ANK2: variants seen among roughly 807,000 people sequenced by gnomAD.
ANK2 encodes ankyrin-2.
A neutral mutation model predicts 360.5 loss-of-function variants in ANK2; 83 were observed. The observed-to-expected ratio is 0.23, with a 90% CI of 0.19 to 0.28. ANK2 has a LOEUF of 0.28. Among genes scored for constraint, ANK2 ranks in the 10% least tolerant of loss-of-function variants. ANK2 has a pLI of 1.00. For missense variants in ANK2, 4,201 were observed against 4,795.7 expected, an observed-to-expected ratio of 0.88 and a Z score of 3.66; for synonymous variants, 1,740 against 1,759.5, an observed-to-expected ratio of 0.99 and a Z score of 0.28.
At chr4:113,151,169 G>T in intron 1 of ANK2, 1 of 1,264,360 alleles carries the variant, frequency 7.9e-7, no homozygotes, top group Non-Finnish European at 1.0e-6. Flanking sequence ...AAAGACGTTG[G>T]TAACTAAGAA....
chr4:112,948,977 C>T (rs2094749295), intron 2 of ANK2, among the ~76,000 whole-genome samples: 1 of 152,150 alleles, frequency 6.6e-6, no homozygotes, highest in African/African-American at 2.4e-5. Context: ...TCTGATGCCA[C>T]TGGAGTTCTT....
chr4:112,949,707 A>T (rs2094804688), intron 2 of ANK2, among the ~76,000 whole-genome samples: 1 of 152,252 alleles, frequency 6.6e-6, no homozygotes, highest in African/African-American at 2.4e-5. Flanking sequence ...AACTGCTAGT[A>T]AAACAAGATA....
At position 113,165,227 on chromosome 4, in the gene ANK2, T is replaced by C. The variant is rs569144214; in HGVS notation, c.85-9189T>C. 2.0e-5 allele frequency among the ~76,000 whole-genome samples: 3 copies of C among 152,288 alleles called. No individual in the cohort carries two copies. In the South Asian group the frequency reaches 6.2e-4, roughly 32 times the overall value. On this transcript the variant is annotated intron_variant, in intron 1 of 45. Transcript: ENST00000357077. ...TCTGTGATACAAATTGTTTTAAAAA[T>C]AAGTTTTTCATTATTTTATACCCAA...
At chr4:113,256,834 A>G (rs2049691364) in intron 11 of ANK2, among the ~76,000 whole-genome samples, 1 of 152,246 alleles carries the variant, frequency 6.6e-6, no homozygotes, top group Non-Finnish European at 1.5e-5. Flanking sequence ...TTACGTGGGA[A>G]GTGAATATAT....
chr4:113,241,821 C>T (rs1211968244), intron 8 of ANK2, among the ~76,000 whole-genome samples: 1 of 152,192 alleles, frequency 6.6e-6, no homozygotes, highest in African/African-American at 2.4e-5. Flanking sequence ...GTTTCTATTA[C>T]AGTAAAGTGG....
chr4:113,173,047 G>T (rs2098045845), intron 1 of ANK2, among the ~76,000 whole-genome samples: 2 of 152,200 alleles, frequency 1.3e-5, no homozygotes, highest in African/African-American at 4.8e-5. Flanking sequence ...ATCATATGAT[G>T]ATGGATTTCT....
At chr4:112,875,521 GATGAGAATCTTACTATTTTGTGC>G (rs1278466013) in intron 1 of ANK2, among the ~76,000 whole-genome samples, 1 of 127,682 alleles carries the variant, frequency 7.8e-6, no homozygotes, top group African/African-American at 2.9e-5. Flanking sequence ...TATTTGTAGA[GATGAGAATCTTACTATTTTGTGC>G]AGGCAGATCT....
At chr4:112,707,556 AT>A in the ANK2 span, among the ~76,000 whole-genome samples, 7 of 152,134 alleles carry the variant, frequency 4.6e-5, no homozygotes, top group Non-Finnish European at 7.4e-5. Context: ...TTAAATCTGT[AT>A]TTGTGATAGT....
chr4:113,311,718 AG>A (rs1303947068), intron 24 of ANK2, among the ~76,000 whole-genome samples: 2 of 152,212 alleles, frequency 1.3e-5, no homozygotes, highest in African/African-American at 4.8e-5. Context: ...TCAAATTAAA[AG>A]GACAATTTTG....
chr4:113,125,575 C>A (rs1029731533), intron 1 of ANK2, among the ~76,000 whole-genome samples: 1 of 152,132 alleles, frequency 6.6e-6, no homozygotes, highest in African/African-American at 2.4e-5. Context: ...CTTGGGTAAA[C>A]AAATGACCTC....
intron 1 of ANK2, among the ~76,000 whole-genome samples, chr4:113,095,426 GT>G (rs769908741): frequency 1.4e-4 from 21 of 152,072 alleles, no homozygotes; most frequent in Non-Finnish European, 2.9e-4. Flanking sequence ...CATAAAATGC[GT>G]TTTTGATTTG....
chr4:112,905,621 G>A (rs1353527061), intron 2 of ANK2, among the ~76,000 whole-genome samples: 3 of 152,120 alleles, frequency 2.0e-5, no homozygotes, highest in African/African-American at 7.2e-5. Flanking sequence ...ATTAATGTTG[G>A]TAATGAGATA....
intron 2 of ANK2, among the ~76,000 whole-genome samples, chr4:112,957,468 C>T (rs2029868847): frequency 1.3e-5 from 2 of 152,218 alleles, no homozygotes; most frequent in Non-Finnish European, 2.9e-5. Context: ...CCCGCCTTTC[C>T]CCCCTTTCTA....
intron 1 of ANK2, among the ~76,000 whole-genome samples, chr4:113,173,762 T>G (rs2098085443): frequency 6.6e-6 from 1 of 152,156 alleles, no homozygotes; most frequent in Non-Finnish European, 1.5e-5. Context: ...TTTAGTCTGG[T>G]ATTATGTCAG....
intron 4 of ANK2, among the ~76,000 whole-genome samples, chr4:113,216,750 G>T (rs1415179045): frequency 6.6e-6 from 1 of 152,144 alleles, no homozygotes; most frequent in Non-Finnish European, 1.5e-5. Flanking sequence ...TAACGAGTGG[G>T]CAGAGCATAC....
chr4:112,771,646 C>T, the ANK2 span, among the ~76,000 whole-genome samples: 2 of 150,760 alleles, frequency 1.3e-5, no homozygotes, highest in Non-Finnish European at 2.9e-5. Flanking sequence ...AGTGCAGTGG[C>T]GTGATCTCAG....
chr4:113,237,716 A>G, intron 7 of ANK2, 94 bp downstream of exon 7: 1 of 1,163,696 alleles, frequency 8.6e-7, no homozygotes, highest in Non-Finnish European at 1.3e-6. Context: ...ACTAATGATT[A>G]GAAGTTTGAT....
chr4:113,373,189 T>A lies in ANK2; in HGVS notation c.11694+16T>A, dbSNP rs1349844060. ...GGTAAAGAAGGTATTGTCTAGTATATCCTAACAGGGTTGATTACAAACTTC... is the reference window on the plus strand; with the variant it reads ...GGTAAAGAAGGTATTGTCTAGTATAACCTAACAGGGTTGATTACAAACTTC... On this transcript the variant is annotated intron_variant, in intron 44 of 45. Coordinates refer to ENST00000357077, the MANE Select transcript of ANK2 (RefSeq NM_001148.6). 4 of 1,613,068 alleles carry A rather than the reference T, an allele frequency of 2.5e-6. No individual in the cohort carries two copies. The highest frequency in any genetic ancestry group is 3.4e-6 in the Non-Finnish European group (4 of 1,179,128).
intron 1 of ANK2, among the ~76,000 whole-genome samples, chr4:113,137,373 T>C (rs2096470505): frequency 1.3e-5 from 2 of 152,106 alleles, no homozygotes; most frequent in South Asian, 2.1e-4. Flanking sequence ...GGAAAGGTAA[T>C]GTCAAACACT....
Sources: gnomAD v4.1 joint callset for allele counts (sites outside exome capture counted in the v4.1 genomes callset) on GRCh38, gnomAD v4.1.1 for gene constraint, MANE v1.5 for transcripts, NCBI Gene and HGNC (gene_info 2026-07-23, HGNC 2026-07-21) for gene names.